The following LINGO2 variants were observed in gnomAD, a reference collection of about 807,000 sequenced individuals.
LINGO2 encodes leucine-rich repeat and immunoglobulin-like domain-containing nogo receptor-interacting protein 2.
In LINGO2, 14 loss-of-function variants were observed where a neutral mutation model predicts 30.6. That is an observed-to-expected ratio of 0.46 (90% CI 0.30 to 0.72). LINGO2 has a LOEUF of 0.72. Ranked by LOEUF, LINGO2 falls within the 30% of genes least tolerant of loss-of-function variation. The probability of loss-of-function intolerance (pLI) is 0.07; values close to 1 mark genes in which losing one functional copy is unlikely to be tolerated. For synonymous variants in LINGO2, 317 were observed against 288.5 expected, an observed-to-expected ratio of 1.10 and a Z score of -1.00; for missense variants, 729 against 751.7, an observed-to-expected ratio of 0.97 and a Z score of 0.35.
At chr9:29,188,856 G>C in the LINGO2 span, among the ~76,000 whole-genome samples, 1 of 141,776 alleles carries the variant, frequency 7.1e-6, no homozygotes, top group African/African-American at 2.6e-5. Context: ...CTTCCTCCCA[G>C]ACAGGGCGGC....
At chr9:27,960,240 T>A (rs28398959) in intron 5 of LINGO2, among the ~76,000 whole-genome samples, 11,353 of 152,140 alleles carry the variant, frequency 0.075, 1,427 homozygotes, top group African/African-American at 0.26. Context: ...CTAGTCTAAA[T>A]TGTTGAGAAA....
At chr9:28,189,659 GGA>G (rs1484265882) in intron 4 of LINGO2, among the ~76,000 whole-genome samples, 9 of 116,366 alleles carry the variant, frequency 7.7e-5, no homozygotes, top group Non-Finnish European at 1.3e-4. Flanking sequence ...GAGGAAGGAA[GGA>G]AGGAAGGGAG....
the LINGO2 span, among the ~76,000 whole-genome samples, chr9:28,874,890 T>C: frequency 5.9e-5 from 9 of 152,266 alleles, 1 homozygote; most frequent in Middle Eastern, 6.8e-3. Context: ...ATATCCATAG[T>C]GTGCCCCACT....
intron 1 of LINGO2, among the ~76,000 whole-genome samples, chr9:28,621,567 T>C (rs568554538): frequency 5.5e-4 from 83 of 152,168 alleles, no homozygotes. Context: ...CTCATATATA[T>C]GGATTATTTT....
intron 4 of LINGO2, among the ~76,000 whole-genome samples, chr9:28,186,656 CAAA>C (rs1819552331): frequency 6.6e-6 from 1 of 151,822 alleles, no homozygotes; most frequent in African/African-American, 2.4e-5. Context: ...AGTTAAGAAT[CAAA>C]AAATGTGAAG....
intron 1 of LINGO2, among the ~76,000 whole-genome samples, chr9:28,479,911 GTA>G (rs58972403): frequency 0.079 from 3,896 of 49,362 alleles, 128 homozygotes; most frequent in Non-Finnish European, 0.092. Flanking sequence ...ATATACGTAG[GTA>G]TATATATATA....
chr9:28,592,319 G>T (rs1339342152), intron 1 of LINGO2, among the ~76,000 whole-genome samples: 1 of 152,078 alleles, frequency 6.6e-6, no homozygotes, highest in East Asian at 1.9e-4. Context: ...GTAACTGACA[G>T]AAAAGGCAAT....
chr9:28,884,834 AT>A, the LINGO2 span, among the ~76,000 whole-genome samples: 1 of 138,354 alleles, frequency 7.2e-6, no homozygotes, highest in Admixed American at 7.5e-5. Context: ...TTCTTTAGCA[AT>A]TGTATATATA....
At chr9:28,638,213 C>A (rs1827380781) in intron 1 of LINGO2, among the ~76,000 whole-genome samples, 1 of 152,236 alleles carries the variant, frequency 6.6e-6, no homozygotes, top group Admixed American at 6.5e-5. Context: ...CTGCTGGATT[C>A]TTTTTGCCAG....
chr9:28,968,054 G>T, the LINGO2 span, among the ~76,000 whole-genome samples: 2 of 152,138 alleles, frequency 1.3e-5, no homozygotes, highest in African/African-American at 4.8e-5. Flanking sequence ...TTGACACCCT[G>T]AAGTAGACTT....
At chr9:28,773,388 T>A in the LINGO2 span, among the ~76,000 whole-genome samples, 1 of 148,600 alleles carries the variant, frequency 6.7e-6, no homozygotes, top group Non-Finnish European at 1.5e-5. Context: ...AAAAGTGACT[T>A]ACATACAAAG....
the LINGO2 span, among the ~76,000 whole-genome samples, chr9:28,757,351 C>A: frequency 6.6e-6 from 1 of 151,936 alleles, no homozygotes; most frequent in Non-Finnish European, 1.5e-5. Context: ...TTTTGAACCC[C>A]TACAATTACC....
chr9:28,134,323 AT>A (rs1323194976), intron 4 of LINGO2, among the ~76,000 whole-genome samples: 1 of 152,244 alleles, frequency 6.6e-6, no homozygotes, highest in Non-Finnish European at 1.5e-5. Context: ...TTATATGGTT[AT>A]TGTTTACCTA....
chr9:28,312,230 T>C (rs1193731245), intron 3 of LINGO2, among the ~76,000 whole-genome samples: 1 of 150,664 alleles, frequency 6.6e-6, no homozygotes, highest in African/African-American at 2.4e-5. Context: ...CGAGAAAGAA[T>C]ATTTCAAATG....
chr9:28,423,936 C>G (rs1172181685), intron 2 of LINGO2, among the ~76,000 whole-genome samples: 1 of 152,046 alleles, frequency 6.6e-6, no homozygotes, highest in Non-Finnish European at 1.5e-5. Flanking sequence ...TGCCCTATTT[C>G]CTAAATCAGG....
chr9:28,548,702 CAAAAAAAAA>C (rs147347396), intron 1 of LINGO2, among the ~76,000 whole-genome samples: 6 of 63,342 alleles, frequency 9.5e-5, no homozygotes, highest in Admixed American at 2.4e-4. Context: ...GACTCCATCT[CAAAAAAAAA>C]AAAAAAAAAA....
At chr9:28,298,916 G>A (rs535928240) in intron 3 of LINGO2, among the ~76,000 whole-genome samples, 11 of 152,246 alleles carry the variant, frequency 7.2e-5, no homozygotes, top group East Asian at 3.9e-4. Flanking sequence ...ATGTACAAAC[G>A]CTGTTTTCCT....
chr9:28,596,948 A>T (rs1173607988), intron 1 of LINGO2, among the ~76,000 whole-genome samples: 2 of 152,150 alleles, frequency 1.3e-5, no homozygotes, highest in Non-Finnish European at 2.9e-5. Flanking sequence ...ATGGCTATAC[A>T]TCTCATGTTT....
chr9:28,522,665 A>G (rs1001196899), intron 1 of LINGO2, among the ~76,000 whole-genome samples: 1 of 152,234 alleles, frequency 6.6e-6, no homozygotes, highest in African/African-American at 2.4e-5. Context: ...ATAAAATATG[A>G]TAAGAATAAG....
Sources: gnomAD v4.1 joint callset for allele counts (sites outside exome capture counted in the v4.1 genomes callset) on GRCh38, gnomAD v4.1.1 for gene constraint, MANE v1.5 for transcripts, NCBI Gene and HGNC (gene_info 2026-07-23, HGNC 2026-07-21) for gene names.